Variants in RTN4 observed in about 807,000 individuals in gnomAD.
RTN4 encodes reticulon 4, also known as reticulon-4.
A neutral mutation model predicts 90.4 loss-of-function variants in RTN4; 32 were observed. The ratio of observed to expected loss-of-function variants is 0.35; its 90% CI spans 0.27 to 0.48. The LOEUF is 0.48. RTN4 is among the 20% of genes least tolerant of loss of function. The pLI is 0.99. For synonymous variants in RTN4, 629 were observed against 552.5 expected (o/e 1.14, Z -1.94); for missense variants, 1,706 against 1,430.2 (o/e 1.19, Z -3.11).
At position 55,098,790 on chromosome 2, in the gene RTN4, C is replaced by T. The variant is rs186656081; in HGVS notation, c.-214+13730G>A. ...CCCTTTCTTGCGAATTATTTATTGA[C>T]GAAATCAGGTCATTTGTTCCGTAGA... On this transcript the variant is annotated intron_variant, in intron 1 of 3. Transcript: ENST00000427710. Among the ~76,000 whole-genome samples the T allele has an allele frequency of 3.6e-3, 547 of 152,100 alleles. 4 individuals carry two copies. Among genetic ancestry groups the T allele is most frequent in the Middle Eastern group, 0.017 (5 of 294 alleles).
intron 3 of RTN4, among the ~76,000 whole-genome samples, chr2:55,017,280 T>C (rs1205694769): frequency 6.6e-6 from 1 of 152,192 alleles, no homozygotes; most frequent in African/African-American, 2.4e-5. Flanking sequence ...ATATATACTT[T>C]TTCAGAAAAA....
intron 2 of RTN4, among the ~76,000 whole-genome samples, chr2:55,069,959 A>G (rs1668457577): frequency 6.6e-6 from 1 of 152,208 alleles, no homozygotes; most frequent in South Asian, 2.1e-4. Context: ...AAGAGAAAGC[A>G]GCAAATGTGG....
chr2:55,037,078 C>A (rs751130135), intron 1 of RTN4, among the ~76,000 whole-genome samples: 1 of 152,138 alleles, frequency 6.6e-6, no homozygotes, highest in Non-Finnish European at 1.5e-5. Flanking sequence ...AAACTTAACT[C>A]TATTTCCATA....
chr2:55,039,091 T>A (rs1682886579), intron 1 of RTN4, among the ~76,000 whole-genome samples: 1 of 152,190 alleles, frequency 6.6e-6, no homozygotes, highest in Non-Finnish European at 1.5e-5. Context: ...TTGGGATTGG[T>A]GTTGCGGGTA....
the RTN4 span, among the ~76,000 whole-genome samples, chr2:55,133,923 T>C: frequency 1.4e-3 from 206 of 151,556 alleles, 6 homozygotes; most frequent in East Asian, 0.037. Context: ...GGGTGGAGAG[T>C]CCACAGGCAA....
intron 4 of RTN4, among the ~76,000 whole-genome samples, chr2:54,986,612 G>C (rs1257772178): frequency 1.3e-5 from 2 of 152,166 alleles, no homozygotes; most frequent in Non-Finnish European, 2.9e-5. Flanking sequence ...TGAAAACAAA[G>C]ATAACATCAA....
chr2:55,079,392 T>C (rs60944260), intron 2 of RTN4, among the ~76,000 whole-genome samples: 3,995 of 152,228 alleles, frequency 0.026, 171 homozygotes, highest in African/African-American at 0.089. Context: ...TTTTGTTTTG[T>C]TTTAAAGTCT....
chr2:55,049,108 C>T, intron 1 of RTN4: 1 of 985,954 alleles, frequency 1.0e-6, no homozygotes, highest in Non-Finnish European at 1.2e-6. Context: ...TTTCTCCACG[C>T]ACCACACCAC....
At chr2:55,132,904 TAA>T in the RTN4 span, among the ~76,000 whole-genome samples, 3 of 149,758 alleles carry the variant, frequency 2.0e-5, no homozygotes, top group Non-Finnish European at 3.0e-5. Context: ...TTGTTTTTTT[TAA>T]TTATTATTAT....
chr2:55,030,905 G>T (rs1682264709), intron 1 of RTN4, among the ~76,000 whole-genome samples: 3 of 152,066 alleles, frequency 2.0e-5, no homozygotes, highest in Admixed American at 2.0e-4. Flanking sequence ...ATATTGCATT[G>T]ATCAATTGCT....
the RTN4 span, among the ~76,000 whole-genome samples, chr2:55,123,549 G>C: frequency 6.6e-6 from 1 of 151,982 alleles, no homozygotes; most frequent in African/African-American, 2.4e-5. Context: ...TGAAAATGAA[G>C]TTGCTAAAAG....
At chr2:55,099,221 C>T (rs779565025) in intron 1 of RTN4, among the ~76,000 whole-genome samples, 6 of 152,088 alleles carry the variant, frequency 3.9e-5, no homozygotes, top group South Asian at 2.1e-4. Context: ...ATTTATTTAC[C>T]GGTTATCAGT....
chr2:55,096,537 T>C (rs1262620322), intron 1 of RTN4, among the ~76,000 whole-genome samples: 1 of 152,180 alleles, frequency 6.6e-6, no homozygotes, highest in Non-Finnish European at 1.5e-5. Context: ...CAAGTCTAAG[T>C]TCCCAGACTG....
chr2:55,005,436 GT>G (rs1680143290), intron 3 of RTN4, among the ~76,000 whole-genome samples: 1 of 152,168 alleles, frequency 6.6e-6, no homozygotes. Context: ...CTATCTTAGA[GT>G]AAAAACTGTA....
the RTN4 span, among the ~76,000 whole-genome samples, chr2:55,130,817 TCTGA>T: frequency 6.6e-6 from 1 of 152,162 alleles, no homozygotes. Flanking sequence ...TCAGTTCATG[TCTGA>T]CTGATTCAAG....
chr2:55,078,287 G>A (rs1668639818), intron 2 of RTN4, among the ~76,000 whole-genome samples: 1 of 152,050 alleles, frequency 6.6e-6, no homozygotes, highest in Non-Finnish European at 1.5e-5. Flanking sequence ...TGCCCAGGCT[G>A]GAATACAGTG....
At chr2:55,090,414 G>C (rs1383781844) in intron 1 of RTN4, among the ~76,000 whole-genome samples, 2 of 152,166 alleles carry the variant, frequency 1.3e-5, no homozygotes, top group African/African-American at 4.8e-5. Flanking sequence ...TCAATATCTT[G>C]ACTGCGTATG....
At chr2:55,008,142 A>ACACACAC (rs1553438394) in intron 3 of RTN4, among the ~76,000 whole-genome samples, 1 of 145,030 alleles carries the variant, frequency 6.9e-6, no homozygotes, top group Admixed American at 7.0e-5. Flanking sequence ...TCGGCAAGCA[A>ACACACAC]ACACACACAC....
chr2:55,087,853 GT>G (rs547682902), intron 1 of RTN4, among the ~76,000 whole-genome samples: 172 of 152,298 alleles, frequency 1.1e-3, no homozygotes, highest in African/African-American at 4.0e-3. Context: ...ATGGTTGGAT[GT>G]TTTTTAATGT....
Sources: allele counts gnomAD v4.1 joint callset (sites outside exome capture counted in the v4.1 genomes callset), GRCh38; gene constraint gnomAD v4.1.1; transcripts MANE v1.5; gene names NCBI Gene and HGNC (gene_info 2026-07-23, HGNC 2026-07-21).